GNB2: variants seen among roughly 807,000 people sequenced by gnomAD.
The protein encoded by GNB2 is G protein subunit beta 2.
A neutral mutation model predicts 40.7 loss-of-function variants in GNB2; 7 were observed. The observed-to-expected ratio is 0.17, with a 90% CI of 0.10 to 0.32. GNB2 has a LOEUF of 0.32. GNB2 is among the 10% of genes least tolerant of loss of function. The pLI is 1.00. For synonymous variants in GNB2, 254 were observed against 191.2 expected (o/e 1.33, Z -2.71); for missense variants, 286 against 473.0 (o/e 0.60, Z 3.67).
chr7:100,677,689 T>C, intron 6 of GNB2, 29 bp downstream of exon 6: 1 of 1,612,572 alleles, frequency 6.2e-7, no homozygotes. Context: ...TTCGGGCCCT[T>C]TTTGGGGTTG....
At position 100,678,520 on chromosome 7, in the gene GNB2, C is replaced by T; in HGVS notation, c.822C>T (p.Thr274=). The part of the protein sequence containing the change: ...YSHDNIICGI[T]SVAFSRSGRL... ...ATGACAACATCATCTGTGGCATCAC[C>T]TCTGTTGCCTTCTCGCGCAGCGGAC... The change falls in exon 9 of 10, where the codon ACC becomes ACT. Residue 274 remains threonine, a synonymous_variant. Transcript: ENST00000303210. 13 of 1,613,578 alleles carry T rather than the reference C, an allele frequency of 8.1e-6. No individual in the cohort carries two copies. The highest frequency in any genetic ancestry group is 9.3e-6 in the Non-Finnish European group (11 of 1,179,652).
chr7:100,676,849 C>G (rs558986512), intron 4 of GNB2, 50 bp downstream of exon 4: 6 of 1,084,100 alleles, frequency 5.5e-6, no homozygotes, highest in Non-Finnish European at 8.2e-6. Flanking sequence ...TCTAGCAGGC[C>G]GTGGGAGCAG....
In GNB2 at chr7:100,676,806, G is replaced by T. The variant is rs752827335; in HGVS notation, c.203+7G>T. 2 of 1,521,822 alleles carry T rather than the reference G, an allele frequency of 1.3e-6. No homozygotes were observed. The highest frequency in any genetic ancestry group is 2.0e-5 in the Admixed American group (1 of 49,634). 94.3% of individuals were successfully genotyped at this position (1,521,822 alleles called of 1,614,324 possible). ...ACTGGGGGACCGACTCAAGGTGTGT[G>T]TGTGTGCGCGGGCTGGCGCTGTGGG... On this transcript the variant is annotated splice_region_variant and intron_variant, in intron 4 of 9. Transcript: ENST00000303210.
rs924755508 is a variant in GNB2 at position 100,677,425 on chromosome 7, CGCGGGCT to C, written c.267+16_267+22del. On this transcript the variant is annotated intron_variant, in intron 5 of 9. Coordinates refer to ENST00000303210, the MANE Select transcript of GNB2 (RefSeq NM_005273.4). The stretch of plus-strand genomic sequence containing the variant: ...CTACACCACCAACAAGGTAGGGTGG[CGCGGGCT>C]GCGGGGTGGGGCAGGGCCACAGGGC... 6.2e-7 allele frequency: 1 copy of C among 1,613,320 alleles called. No individual in the cohort carries two copies. Among genetic ancestry groups the C allele is most frequent in the African/African-American group, 1.3e-5 (1 of 74,952 alleles).
intron 1 of GNB2, 25 bp from the exon 2 acceptor site, chr7:100,676,152 C>G: frequency 1.6e-6 from 1 of 624,672 alleles, no homozygotes. Context: ...GGCCTCGGGC[C>G]TGACGTCAGC....
In GNB2 at chr7:100,678,308, T is replaced by TG; in HGVS notation, c.699+13dup. 6.2e-7 allele frequency: 1 copy of TG among 1,612,436 alleles called. No homozygotes were observed. Among genetic ancestry groups the TG allele is most frequent in the African/African-American group, 1.3e-5 (1 of 75,000 alleles). On this transcript the variant is annotated intron_variant, in intron 8 of 9. Coordinates refer to ENST00000303210, the MANE Select transcript of GNB2 (RefSeq NM_005273.4). ...ACATCAATGCAGTGGCTGTGAGTTT[T>TG]GGGGCGAGCTAGGCCAGGCCCTCCC... is the stretch of plus-strand genomic sequence containing the variant.
rs1345404058 is a variant in GNB2 at position 100,673,838 on chromosome 7, GC to G, written c.-173del. On this transcript the variant is annotated 5_prime_UTR_variant, in exon 1 of 10. Coordinates refer to ENST00000303210, the MANE Select transcript of GNB2 (RefSeq NM_005273.4). Reference sequence around the variant, plus strand: ...CCGCGCCGCCGCCGCCGCCGCCGCCGCCGCCGCCGCCGCCTCCGCCGCGGAG... The same window carrying G: ...CCGCGCCGCCGCCGCCGCCGCCGCCGCGCCGCCGCCGCCTCCGCCGCGGAG... 3 of 189,716 alleles carry G rather than the reference GC, an allele frequency of 1.6e-5. No homozygotes were observed. Among genetic ancestry groups the G allele is most frequent in the African/African-American group, 2.4e-5 (1 of 41,438 alleles). The allele number at this position is 189,716 out of a possible 1,614,324, so 11.8% of individuals were successfully genotyped here.
rs5001693 is a variant in GNB2 at position 100,678,209 on chromosome 7, C to T, written c.609C>T (p.Ala203=). Residue 203 remains alanine (A), a synonymous_variant, in exon 8 of 10, where the codon GCC becomes GCT. Coordinates refer to ENST00000303210, the MANE Select transcript of GNB2 (RefSeq NM_005273.4). ...ATGGCCGCACGTTTGTGTCAGGCGCCTGTGATGCCTCTATCAAGCTGTGGG... is the reference window on the plus strand; with the variant it reads ...ATGGCCGCACGTTTGTGTCAGGCGCTTGTGATGCCTCTATCAAGCTGTGGG... ...APDGRTFVSG[A]CDASIKLWDV... is the part of the protein sequence containing the mutation. 178 of 1,614,064 alleles carry T rather than the reference C, an allele frequency of 1.1e-4. 1 individual carries two copies. The East Asian group carries it at 3.8e-3, about 34-fold the overall frequency.
chr7:100,678,355 C>T (rs1237996075), intron 8 of GNB2, 43 bp from the exon 9 acceptor site: 2 of 1,594,858 alleles, frequency 1.3e-6, no homozygotes, highest in Non-Finnish European at 1.7e-6. Flanking sequence ...CGGCCCTGCT[C>T]CTCACCCTCA....
intron 1 of GNB2, among the ~76,000 whole-genome samples, chr7:100,674,272 C>A (rs1314063579): frequency 6.6e-6 from 1 of 150,920 alleles, no homozygotes; most frequent in Non-Finnish European, 1.5e-5. Context: ...ACCCTCCCGC[C>A]TGCCCCCGGG....
chr7:100,677,857 A>C (rs1383499266), intron 7 of GNB2, 39 bp downstream of exon 7: 2 of 1,560,130 alleles, frequency 1.3e-6, no homozygotes, highest in Non-Finnish European at 1.8e-6. Flanking sequence ...GGGCAAACCC[A>C]CACTTCCTGC....
intron 1 of GNB2, among the ~76,000 whole-genome samples, chr7:100,674,913 AC>A (rs1397784790): frequency 6.6e-6 from 1 of 150,582 alleles, no homozygotes; most frequent in Non-Finnish European, 1.5e-5. Flanking sequence ...TTCTGCCCGC[AC>A]CCCCCATCCC....
chr7:100,678,268 T>C lies in GNB2; in HGVS notation c.668T>C (p.Ile223Thr). Reference protein sequence around the residue: ...VRDSMCRQTFIGHESDINAVA... With the variant: ...VRDSMCRQTFTGHESDINAVA... ...GATTCCATGTGCCGACAGACCTTCA[T>C]CGGCCATGAATCCGACATCAATGCA... The change falls in exon 8 of 10, where the codon ATC (isoleucine) becomes ACC (threonine). Residue 223 changes from isoleucine to threonine, a missense_variant. By Grantham distance (89) the Ile-to-Thr change is moderately conservative. Coordinates refer to ENST00000303210, the MANE Select transcript of GNB2 (RefSeq NM_005273.4). The C allele has an allele frequency of 1.2e-6, 2 of 1,613,848 alleles. No homozygotes were observed. Among genetic ancestry groups the C allele is most frequent in the Non-Finnish European group, 1.7e-6 (2 of 1,179,952 alleles).
At chr7:100,677,987 G>A in intron 7 of GNB2, 111 bp from the exon 8 acceptor site, 1 of 1,066,762 alleles carries the variant, frequency 9.4e-7, no homozygotes, top group South Asian at 1.4e-5. Context: ...TCTGAGAAGA[G>A]CCTCCCTGGA....
In GNB2 at chr7:100,679,084, A is replaced by G. The variant is rs978172296; in HGVS notation, c.*283A>G. ...GCCGGAGGCAGGAGGTGGAAACCCC[A>G]GGGGCTGGCTTTTTTAAAACTGGTT... On this transcript the variant is annotated 3_prime_UTR_variant, in exon 10 of 10. Coordinates refer to ENST00000303210, the MANE Select transcript of GNB2 (RefSeq NM_005273.4). 29 of 412,344 alleles carry G rather than the reference A, an allele frequency of 7.0e-5. No homozygotes were observed. Among genetic ancestry groups the G allele is most frequent in the Non-Finnish European group, 1.3e-4 (29 of 231,318 alleles). The allele number at this position is 412,344 out of a possible 1,614,324, so 25.5% of individuals were successfully genotyped here. A position where few individuals can be genotyped will look rare whatever the true frequency, so the allele number is the denominator to read the frequency against.
intron 1 of GNB2, chr7:100,675,660 G>C (rs1804332065): frequency 6.6e-6 from 1 of 152,518 alleles, no homozygotes; most frequent in Non-Finnish European, 1.5e-5. Context: ...CTCGGTCCGG[G>C]TGACGGTTGC....
chr7:100,674,733 G>A (rs1804312771), intron 1 of GNB2, among the ~76,000 whole-genome samples: 1 of 152,142 alleles, frequency 6.6e-6, no homozygotes, highest in South Asian at 2.1e-4. Context: ...GGCTGCTGAG[G>A]GCCCTGGGGG....
At chr7:100,675,115 C>A (rs1470827831) in intron 1 of GNB2, among the ~76,000 whole-genome samples, 1 of 151,352 alleles carries the variant, frequency 6.6e-6, no homozygotes, top group Non-Finnish European at 1.5e-5. Context: ...AGGACTCAGG[C>A]TCCCGGAGCG....
chr7:100,678,511 T>C lies in GNB2; in HGVS notation c.813T>C (p.Cys271=), dbSNP rs1325502316. 2.5e-6 allele frequency: 4 copies of C among 1,613,682 alleles called. No homozygotes were observed. Among genetic ancestry groups the C allele is most frequent in the Non-Finnish European group, 3.4e-6 (4 of 1,179,880 alleles). The change falls in exon 9 of 10, where the codon TGT becomes TGC. Residue 271 remains cysteine (C), a synonymous_variant. Coordinates refer to ENST00000303210, the MANE Select transcript of GNB2 (RefSeq NM_005273.4). The part of the protein sequence containing the change: ...LLMYSHDNII[C]GITSVAFSRS... ...TGTACTCCCATGACAACATCATCTG[T>C]GGCATCACCTCTGTTGCCTTCTCGC...
Sources: allele counts gnomAD v4.1 joint callset (sites outside exome capture counted in the v4.1 genomes callset), GRCh38; gene constraint gnomAD v4.1.1; transcripts MANE v1.5; gene names NCBI Gene and HGNC (gene_info 2026-07-23, HGNC 2026-07-21).